ACSS1: variants seen among roughly 807,000 people sequenced by gnomAD.
The protein encoded by ACSS1 is acyl-CoA synthetase short chain family member 1, also known as acetyl-coenzyme A synthetase 2-like, mitochondrial.
A neutral mutation model predicts 75.3 loss-of-function variants in ACSS1; 42 were observed. The observed-to-expected ratio is 0.56, with a 90% CI of 0.44 to 0.72. ACSS1 has a LOEUF of 0.72. Ranked by LOEUF, ACSS1 falls within the 30% of genes least tolerant of loss-of-function variation. The probability of loss-of-function intolerance (pLI) is 0.00; values close to 1 mark genes in which losing one functional copy is unlikely to be tolerated. For missense variants in ACSS1, 782 were observed against 935.7 expected (o/e 0.84, Z 2.14); for synonymous variants, 380 against 376.8 (o/e 1.01, Z -0.10).
In ACSS1 at chr20:25,019,795, C is replaced by T. The variant is rs369849013; in HGVS notation, c.1246+215G>A. On this transcript the variant is annotated intron_variant, in intron 7 of 13. Coordinates refer to ENST00000323482, the MANE Select transcript of ACSS1 (RefSeq NM_032501.4). Reference sequence around the variant, plus strand: ...ACAACGGCACAGAAAATGTCTGGAACGTTGTTCCCCAGACAGGTAACTGCT... The same window carrying T: ...ACAACGGCACAGAAAATGTCTGGAATGTTGTTCCCCAGACAGGTAACTGCT... Among the ~76,000 whole-genome samples, 23 of 152,364 alleles carry T rather than the reference C, an allele frequency of 1.5e-4. No homozygotes were observed. The South Asian group carries it at 4.1e-3, about 27-fold the overall frequency.
chr20:25,007,443 G>T lies in ACSS1; in HGVS notation c.*319C>A. On this transcript the variant is annotated 3_prime_UTR_variant, in exon 14 of 14. Transcript: ENST00000323482. ...TATCTGAGCAGGCGCGCTATCCCAG[G>T]GCCTCACCTTCCTGTGCTGGCTCAA... 1 of 1,190,212 alleles carries T rather than the reference G, an allele frequency of 8.4e-7. No homozygotes were observed. The highest frequency in any genetic ancestry group is 1.0e-6 in the Non-Finnish European group (1 of 956,752). The allele number at this position is 1,190,212 out of a possible 1,614,324, so 73.7% of individuals were successfully genotyped here. A position where few individuals can be genotyped will look rare whatever the true frequency, so the allele number is the denominator to read the frequency against.
rs141583280 is a variant in ACSS1, at chr20:25,032,324, C to G, written c.432-1366G>C. On this transcript the variant is annotated intron_variant, in intron 2 of 13. Coordinates refer to ENST00000323482, the MANE Select transcript of ACSS1 (RefSeq NM_032501.4). ...CCTGGTCCAGTCAGAGTCAACCATA[C>G]TCAACTCCGGGAAAACTGGGAGCAG... 722 of 1,310,014 alleles carry G rather than the reference C, an allele frequency of 5.5e-4. 9 individuals are homozygous for G. In the African/African-American group the frequency reaches 9.7e-3, roughly 18 times the overall value. 81.1% of individuals were successfully genotyped at this position (1,310,014 alleles called of 1,614,324 possible).
intron 2 of ACSS1, among the ~76,000 whole-genome samples, chr20:25,047,812 A>T (rs2089119169): frequency 6.6e-6 from 1 of 150,672 alleles, no homozygotes; most frequent in South Asian, 2.1e-4. Flanking sequence ...GACTAAAAAG[A>T]TCAGCTTAAA....
Position 25,023,495 on chromosome 20 carries a change from T to C in ACSS1, c.778A>G (p.Met260Val), listed in dbSNP as rs1304705742. The part of the protein sequence containing the change: ...VAHRTDNKVH[M>V]GDLDVPLEQE... ...TCCAGCGGGACGTCCAGATCCCCCA[T>C]GTGGACCTTGTTGTCTGTCCTGTGA... The change falls in exon 4 of 14, where the codon ATG becomes GTG. Residue 260 changes from methionine to valine, a missense_variant. Physicochemically the swap from Met to Val is conservative, Grantham distance 21. Transcript: ENST00000323482. 2.5e-6 allele frequency: 4 copies of C among 1,614,112 alleles called. No individual in the cohort carries two copies. Among genetic ancestry groups the C allele is most frequent in the Admixed American group, 1.7e-5 (1 of 60,014 alleles).
intron 5 of ACSS1, 128 bp downstream of exon 5, chr20:25,022,812 C>T: frequency 7.5e-7 from 1 of 1,331,138 alleles, no homozygotes; most frequent in Non-Finnish European, 9.9e-7. Context: ...GGGCCCTGCC[C>T]CGAATAGGCC....
chr20:25,031,699 G>A (rs1158153247), intron 2 of ACSS1, among the ~76,000 whole-genome samples: 1 of 152,114 alleles, frequency 6.6e-6, no homozygotes, highest in South Asian at 2.1e-4. Context: ...ATTCCTTCCC[G>A]GCATGATCCA....
intron 2 of ACSS1, among the ~76,000 whole-genome samples, chr20:25,042,094 A>G (rs1260707067): frequency 6.6e-6 from 1 of 152,032 alleles, no homozygotes; most frequent in Non-Finnish European, 1.5e-5. Flanking sequence ...CCTGTCCCCA[A>G]CAAAGAGGTC....
chr20:25,020,358 T>TC (rs1255776538), intron 6 of ACSS1, among the ~76,000 whole-genome samples: 6 of 129,024 alleles, frequency 4.7e-5, no homozygotes, highest in Admixed American at 4.4e-4. Context: ...CTCCAAGCAC[T>TC]CCCCAGATCC....
Position 25,006,785 on chromosome 20 carries a change from A to T in ACSS1, c.*977T>A. The T allele has an allele frequency of 4.0e-6, 6 of 1,507,986 alleles. No homozygotes were observed. In the South Asian group the frequency reaches 7.2e-5, roughly 18 times the overall value. 93.4% of individuals were successfully genotyped at this position (1,507,986 alleles called of 1,614,324 possible). ...CCAGACCTCCAAGTCTCATCATTGG[A>T]CCTCAGTGGTTCTCACCGCCCCAAC... is the stretch of plus-strand genomic sequence containing the variant. On this transcript the variant is annotated 3_prime_UTR_variant, in exon 14 of 14. Transcript: ENST00000323482.
At chr20:25,032,355 A>G in intron 2 of ACSS1, 2 of 1,346,368 alleles carry the variant, frequency 1.5e-6, no homozygotes, top group Middle Eastern at 1.9e-4. Flanking sequence ...AGCAGGCGAG[A>G]GCCGCCAACT....
intron 2 of ACSS1, 107 bp from the exon 3 acceptor site, chr20:25,031,065 C>T: frequency 8.7e-7 from 1 of 1,144,042 alleles, no homozygotes; most frequent in Non-Finnish European, 1.3e-6. Flanking sequence ...ACATCCAGCC[C>T]AGTGCCAGGA....
intron 3 of ACSS1, among the ~76,000 whole-genome samples, chr20:25,025,783 C>T (rs1277654353): frequency 2.6e-5 from 4 of 152,212 alleles, no homozygotes; most frequent in Non-Finnish European, 2.9e-5. Context: ...AAGCCAGCAA[C>T]GGCGGGTAAA....
At chr20:25,024,578 T>C (rs1313741367) in intron 3 of ACSS1, among the ~76,000 whole-genome samples, 2 of 152,186 alleles carry the variant, frequency 1.3e-5, no homozygotes, top group African/African-American at 4.8e-5. Flanking sequence ...CCTCGACCAA[T>C]GGCTCTCCAT....
intron 12 of ACSS1, 98 bp from the exon 13 acceptor site, chr20:25,009,486 G>C: frequency 1.1e-6 from 1 of 939,088 alleles, no homozygotes; most frequent in Non-Finnish European, 1.7e-6. Context: ...AATCCGAAGG[G>C]CTTTTGAATC....
intron 1 of ACSS1, among the ~76,000 whole-genome samples, chr20:25,056,010 T>A (rs2089236385): frequency 6.6e-6 from 1 of 152,218 alleles, no homozygotes; most frequent in African/African-American, 2.4e-5. Context: ...TCAAGTTAGT[T>A]TTCTGAAGCT....
At position 25,030,935 on chromosome 20, in the gene ACSS1, C is replaced by T. The variant is rs367877409; in HGVS notation, c.455G>A (p.Arg152His). The T allele has an allele frequency of 3.3e-5, 54 of 1,613,968 alleles. No homozygotes were observed. Among genetic ancestry groups the T allele is most frequent in the Non-Finnish European group, 4.2e-5 (49 of 1,180,012 alleles). The change falls in exon 3 of 14, where the codon CGC becomes CAC. Residue 152 changes from arginine (R) to histidine (H), a missense_variant. Transcript: ENST00000323482. ...ATGCCTCTTCAGCGTGTTGGCCAGG[C>T]GGCACGTGGTCTCCAGTAGTTCCCT... ...TYRELLETTC[R>H]LANTLKRHGV...
In ACSS1 at chr20:25,023,216, TTCAATTCCAAATG is replaced by T. The variant is rs376110958; in HGVS notation, c.808-137_808-125del. The T allele has an allele frequency of 1.6e-3, 2,129 of 1,305,016 alleles. 30 individuals are homozygous for T. In the African/African-American group the frequency reaches 0.029, roughly 18 times the overall value. 80.8% of individuals were successfully genotyped at this position (1,305,016 alleles called of 1,614,324 possible). ...ATTCACCTGCTCTGACCTGTCCAAGTTCAATTCCAAATGTGGAAAGGACACAAAACAAAAGCGT... is the reference window on the plus strand; with the variant it reads ...ATTCACCTGCTCTGACCTGTCCAAGTTGGAAAGGACACAAAACAAAAGCGT... On this transcript the variant is annotated intron_variant, in intron 4 of 13. Coordinates refer to ENST00000323482, the MANE Select transcript of ACSS1 (RefSeq NM_032501.4).
Position 25,013,677 on chromosome 20 carries a change from C to A in ACSS1, c.1453-15G>T, listed in dbSNP as rs911967088. 15 of 1,587,166 alleles carry A rather than the reference C, an allele frequency of 9.5e-6. No homozygotes were observed. The highest frequency in any genetic ancestry group is 3.4e-5 in the Admixed American group (2 of 58,170). ...ACGACGCTGCCCTGTAGACCCCGGA[C>A]ATGCAAGTGAGACAGGGCAGGCTCT... On this transcript the variant is annotated splice_polypyrimidine_tract_variant and intron_variant, in intron 9 of 13. Transcript: ENST00000323482.
chr20:25,014,799 A>G (rs2088486147), intron 8 of ACSS1, among the ~76,000 whole-genome samples: 1 of 152,146 alleles, frequency 6.6e-6, no homozygotes, highest in Admixed American at 6.5e-5. Context: ...CTAGGAAGGG[A>G]CACGGCCCCT....
Sources: allele counts gnomAD v4.1 joint callset (sites outside exome capture counted in the v4.1 genomes callset), GRCh38; gene constraint gnomAD v4.1.1; transcripts MANE v1.5; gene names NCBI Gene and HGNC (gene_info 2026-07-23, HGNC 2026-07-21).